PTPRQ: variants seen among roughly 807,000 people sequenced by gnomAD.
PTPRQ encodes the protein protein tyrosine phosphatase receptor type Q, also known as phosphatidylinositol phosphatase PTPRQ.
PTPRQ carries 199 observed loss-of-function variants against 246.0 expected under a neutral mutation model. The ratio of observed to expected loss-of-function variants is 0.81; its 90% CI spans 0.72 to 0.91. PTPRQ has a LOEUF of 0.91. Ranked by LOEUF, PTPRQ falls within the 40% of genes least tolerant of loss-of-function variation. The pLI is 0.00. For missense variants in PTPRQ, 2,624 were observed against 2,528.4 expected, an observed-to-expected ratio of 1.04 and a Z score of -0.81; for synonymous variants, 869 against 853.2, an observed-to-expected ratio of 1.02 and a Z score of -0.32.
chr12:80,672,868 T>TA (rs202022421), intron 42 of PTPRQ, among the ~76,000 whole-genome samples: 48 of 152,138 alleles, frequency 3.2e-4, no homozygotes, highest in African/African-American at 1.1e-3. Flanking sequence ...TCAATGATTT[T>TA]AAAAAAATCT....
Position 80,535,524 on chromosome 12 carries a change from A to C in PTPRQ, c.2985+487A>C, listed in dbSNP as rs75959086. Among the ~76,000 whole-genome samples the C allele has an allele frequency of 1.0e-3, 152 of 152,304 alleles. 3 individuals are homozygous for C. Among genetic ancestry groups the C allele is most frequent in the African/African-American group, 3.5e-3 (147 of 41,574 alleles). ...AGGGTTATTATAATAATAGTATATT[A>C]GTAGTTAATGTTTAATGTCAGATGA... is the stretch of plus-strand genomic sequence containing the variant. On this transcript the variant is annotated intron_variant, in intron 19 of 44. Transcript: ENST00000644991.
chr12:80,591,571 G>A (rs1230831251), intron 26 of PTPRQ, among the ~76,000 whole-genome samples: 2 of 152,120 alleles, frequency 1.3e-5, no homozygotes, highest in Non-Finnish European at 2.9e-5. Context: ...TAAGGATGAC[G>A]ATACTATAAC....
intron 25 of PTPRQ, among the ~76,000 whole-genome samples, chr12:80,564,025 G>T (rs1341839129): frequency 1.3e-5 from 2 of 151,462 alleles, no homozygotes; most frequent in Non-Finnish European, 2.9e-5. Flanking sequence ...AGACTGCACT[G>T]TTTTTTTTGT....
In PTPRQ at chr12:80,653,070, T is replaced by C. The variant is rs1163024; in HGVS notation, c.6115+236T>C. ...TCACTTATGCAGGTGCAAGAAACTG[T>C]AGACCTAATAGTTTCTTAGCTTTGT... On this transcript the variant is annotated intron_variant, in intron 38 of 44. Transcript: ENST00000644991. Among the ~76,000 whole-genome samples, 2,764 of 152,262 alleles carry C rather than the reference T, an allele frequency of 0.018. 71 individuals are homozygous for C. The highest frequency in any genetic ancestry group is 0.064 in the African/African-American group (2,639 of 41,558).
chr12:80,520,718 C>A (rs1445954264), intron 17 of PTPRQ, among the ~76,000 whole-genome samples: 2 of 152,060 alleles, frequency 1.3e-5, no homozygotes, highest in African/African-American at 4.8e-5. Context: ...GCATAGTATT[C>A]CGTGGTGTAT....
chr12:80,672,552 T>C (rs1901003912), intron 42 of PTPRQ, among the ~76,000 whole-genome samples: 1 of 152,002 alleles, frequency 6.6e-6, no homozygotes, highest in Non-Finnish European at 1.5e-5. Context: ...ATAATAGGAA[T>C]TTCTGACAAT....
intron 25 of PTPRQ, among the ~76,000 whole-genome samples, chr12:80,554,080 G>T (rs559271838): frequency 2.0e-5 from 3 of 151,948 alleles, no homozygotes; most frequent in South Asian, 2.1e-4. Context: ...GGAGGGGCAG[G>T]GGGGGTAGGA....
intron 25 of PTPRQ, among the ~76,000 whole-genome samples, chr12:80,575,892 T>C (rs1461091117): frequency 6.6e-6 from 1 of 151,746 alleles, no homozygotes; most frequent in African/African-American, 2.4e-5. Flanking sequence ...GAAAATCTTT[T>C]GGCAATCAGA....
At chr12:80,676,567 G>A (rs1197271861) in intron 43 of PTPRQ, among the ~76,000 whole-genome samples, 2 of 152,094 alleles carry the variant, frequency 1.3e-5, no homozygotes, top group Non-Finnish European at 2.9e-5. Context: ...GCTTGAAACC[G>A]GGAGGCAGAG....
chr12:80,676,733 T>A (rs1039927724), intron 43 of PTPRQ, among the ~76,000 whole-genome samples: 48 of 152,310 alleles, frequency 3.2e-4, no homozygotes, highest in Admixed American at 3.1e-3. Context: ...AGTGAGCTAA[T>A]ATCCTAAGAT....
chr12:80,652,908 C>G, intron 38 of PTPRQ, 74 bp downstream of exon 38: 1 of 1,361,364 alleles, frequency 7.3e-7, no homozygotes, highest in Non-Finnish European at 9.5e-7. Flanking sequence ...TTTTTGTTTC[C>G]TTAATATATT....
In PTPRQ at chr12:80,669,096, A is replaced by G; in HGVS notation, c.6282A>G (p.Arg2094=). 1.3e-6 allele frequency: 2 copies of G among 1,550,638 alleles called. No individual in the cohort carries two copies. The highest frequency in any genetic ancestry group is 8.7e-7 in the Non-Finnish European group (1 of 1,146,136). Residue 2094 remains arginine, a synonymous_variant, in exon 40 of 45, where the codon AGA becomes AGG. Transcript: ENST00000644991. ...TTTGGAGAATGGTGTGGGAAACCAG[A>G]GCAAAAACATTAGTAATGCTAACAC... The part of the protein sequence containing the change: ...GDFWRMVWET[R]AKTLVMLTQC...
chr12:80,634,641 C>T (rs781727089), intron 34 of PTPRQ: 6 of 252,708 alleles, frequency 2.4e-5, no homozygotes, highest in Non-Finnish European at 3.8e-5. Flanking sequence ...AACAAGATCA[C>T]AACGTAAGTC....
At chr12:80,482,614 A>G (rs1457288149) in intron 8 of PTPRQ, among the ~76,000 whole-genome samples, 5 of 150,738 alleles carry the variant, frequency 3.3e-5, no homozygotes, top group Non-Finnish European at 5.9e-5. Flanking sequence ...GAAAATTGTC[A>G]CAACCTACTC....
rs775296221 is a variant in PTPRQ at position 80,472,108 on chromosome 12, G to C, written c.1043G>C (p.Arg348Pro). The C allele has an allele frequency of 1.3e-5, 20 of 1,549,208 alleles. No homozygotes were observed. The Admixed American group carries it at 2.8e-4, about 22-fold the overall frequency. Residue 348 changes from arginine to proline, a missense_variant, in exon 8 of 45, where the codon CGC becomes CCC. By Grantham distance (103) the Arg-to-Pro change is moderately radical (BLOSUM62 -2). Coordinates refer to ENST00000644991, the MANE Select transcript of PTPRQ (RefSeq NM_001145026.2). Reference protein sequence around the residue: ...YRVELYGPSGRILDNSTKDLK... With the variant: ...YRVELYGPSGPILDNSTKDLK... Reference sequence around the variant, plus strand: ...AGCTATCTTCCACTTTTTGCAGGTCGCATTTTGGATAACAGCACAAAAGAC... The same window carrying C: ...AGCTATCTTCCACTTTTTGCAGGTCCCATTTTGGATAACAGCACAAAAGAC...
intron 26 of PTPRQ, among the ~76,000 whole-genome samples, chr12:80,591,599 A>G (rs917797895): frequency 7.9e-5 from 12 of 152,232 alleles, no homozygotes; most frequent in African/African-American, 2.7e-4. Flanking sequence ...GCAAAAATAT[A>G]GAAAAAATTC....
At chr12:80,597,175 C>A (rs530159229) in intron 26 of PTPRQ, among the ~76,000 whole-genome samples, 2 of 151,986 alleles carry the variant, frequency 1.3e-5, no homozygotes, top group South Asian at 4.1e-4. Context: ...GTTTCTGATA[C>A]CCTTGATTTT....
At chr12:80,528,972 A>G (rs1895768813) in intron 17 of PTPRQ, among the ~76,000 whole-genome samples, 1 of 152,198 alleles carries the variant, frequency 6.6e-6, no homozygotes, top group South Asian at 2.1e-4. Context: ...TAGCCAGTCA[A>G]CCAAATGATG....
intron 8 of PTPRQ, 27 bp from the exon 9 acceptor site, chr12:80,484,406 T>TC: frequency 7.1e-7 from 1 of 1,402,550 alleles, no homozygotes; most frequent in South Asian, 1.4e-5. Context: ...TTCCCCCTTT[T>TC]CTTTTCTTTC....
Sources: allele counts gnomAD v4.1 joint callset (sites outside exome capture counted in the v4.1 genomes callset), GRCh38; gene constraint gnomAD v4.1.1; transcripts MANE v1.5; gene names NCBI Gene and HGNC (gene_info 2026-07-23, HGNC 2026-07-21).